Variants in CAMK2D observed in about 807,000 individuals in gnomAD.
CAMK2D encodes calcium/calmodulin dependent protein kinase II delta.
CAMK2D carries 37 observed loss-of-function variants against 84.0 expected under a neutral mutation model. The observed-to-expected ratio is 0.44, with a 90% CI of 0.34 to 0.58. The LOEUF is 0.58. Among genes scored for constraint, CAMK2D ranks in the 20% least tolerant of loss-of-function variants. The pLI is 0.02. For missense variants in CAMK2D, 448 were observed against 652.5 expected, an observed-to-expected ratio of 0.69 and a Z score of 3.41; for synonymous variants, 202 against 212.5, an observed-to-expected ratio of 0.95 and a Z score of 0.43.
intron 3 of CAMK2D, among the ~76,000 whole-genome samples, chr4:113,659,747 T>A (rs1304843987): frequency 6.6e-6 from 1 of 152,188 alleles, no homozygotes; most frequent in African/African-American, 2.4e-5. Flanking sequence ...AGCAAACCAA[T>A]ACAGCCAAAC....
At chr4:113,707,790 A>C (rs1334875943) in intron 2 of CAMK2D, among the ~76,000 whole-genome samples, 2 of 152,218 alleles carry the variant, frequency 1.3e-5, no homozygotes, top group African/African-American at 4.8e-5. Context: ...TTTTAACCTC[A>C]GAATGCTTCA....
chr4:113,667,388 T>G (rs1246714085), intron 2 of CAMK2D, among the ~76,000 whole-genome samples: 3 of 152,096 alleles, frequency 2.0e-5, no homozygotes, highest in South Asian at 2.1e-4. Context: ...AAAAATATAA[T>G]CATAAATAAG....
intron 2 of CAMK2D, among the ~76,000 whole-genome samples, chr4:113,687,212 AGGTG>A (rs2099362599): frequency 6.6e-6 from 1 of 152,228 alleles, no homozygotes; most frequent in African/African-American, 2.4e-5. Flanking sequence ...ATTTCCATTC[AGGTG>A]TTACTGAAAT....
At chr4:113,585,992 T>C (rs887776299) in intron 4 of CAMK2D, among the ~76,000 whole-genome samples, 2 of 152,226 alleles carry the variant, frequency 1.3e-5, no homozygotes, top group African/African-American at 4.8e-5. Flanking sequence ...GCTTGAATCC[T>C]GGCTGCCTCT....
chr4:113,553,424 C>T (rs866127393), intron 4 of CAMK2D, among the ~76,000 whole-genome samples: 18 of 152,252 alleles, frequency 1.2e-4, no homozygotes, highest in Admixed American at 4.6e-4. Context: ...TAAAAGGATG[C>T]TAAATTAGTT....
intron 3 of CAMK2D, among the ~76,000 whole-genome samples, chr4:113,616,188 AAC>A (rs2099020294): frequency 1.3e-5 from 2 of 152,146 alleles, no homozygotes; most frequent in South Asian, 4.1e-4. Flanking sequence ...AATGAAAATT[AAC>A]TTTTTAAAAT....
chr4:113,496,104 G>T (rs1413876801), intron 16 of CAMK2D, among the ~76,000 whole-genome samples: 1 of 152,208 alleles, frequency 6.6e-6, no homozygotes, highest in Non-Finnish European at 1.5e-5. Flanking sequence ...CCAAAGGACG[G>T]TCTTCACATG....
At chr4:113,727,311 T>G (rs969496398) in intron 2 of CAMK2D, among the ~76,000 whole-genome samples, 1 of 152,174 alleles carries the variant, frequency 6.6e-6, no homozygotes, top group African/African-American at 2.4e-5. Context: ...ACTTCCTGAT[T>G]AAGTGACAGT....
chr4:113,668,365 A>G (rs1458016575), intron 2 of CAMK2D, among the ~76,000 whole-genome samples: 1 of 152,160 alleles, frequency 6.6e-6, no homozygotes, highest in Non-Finnish European at 1.5e-5. Flanking sequence ...ACCACTAACT[A>G]CTAGCTAGGT....
chr4:113,547,546 A>T, intron 6 of CAMK2D, 98 bp downstream of exon 6: 1 of 647,676 alleles, frequency 1.5e-6, no homozygotes, highest in Non-Finnish European at 2.6e-6. Flanking sequence ...AGTCCACACA[A>T]CTTTATTGCT....
intron 2 of CAMK2D, among the ~76,000 whole-genome samples, chr4:113,694,615 T>C (rs912153083): frequency 6.6e-6 from 1 of 152,132 alleles, no homozygotes; most frequent in African/African-American, 2.4e-5. Flanking sequence ...ATTGGACAGA[T>C]AGGAGGGGCA....
chr4:113,499,831 G>A (rs2098006656), intron 16 of CAMK2D, among the ~76,000 whole-genome samples: 1 of 152,164 alleles, frequency 6.6e-6, no homozygotes. Flanking sequence ...GTGGCCAAAG[G>A]AGGTGACCTA....
At chr4:113,667,004 G>A (rs1255751511) in intron 2 of CAMK2D, among the ~76,000 whole-genome samples, 2 of 152,050 alleles carry the variant, frequency 1.3e-5, no homozygotes, top group African/African-American at 4.8e-5. Context: ...AACCCAACTC[G>A]ATTTTGAAAT....
rs192154117 is a variant in CAMK2D, at chr4:113,662,421, T to A, written c.161-649A>T. 1.4e-4 allele frequency among the ~76,000 whole-genome samples: 21 copies of A among 152,300 alleles called. No individual in the cohort carries two copies. In the East Asian group the frequency reaches 3.9e-3, roughly 28 times the overall value. ...GAATTATCTTAATATTCTTCTTTGA[T>A]TTTTTGGTGGAGGTACCTATAAACA... On this transcript the variant is annotated intron_variant, in intron 2 of 20. Coordinates refer to ENST00000511664, the MANE Select transcript of CAMK2D (RefSeq NM_001321571.2).
chr4:113,551,877 TATAGACCAG>T (rs1282290174), intron 5 of CAMK2D, among the ~76,000 whole-genome samples, 145 bp downstream of exon 5: 15 of 152,188 alleles, frequency 9.9e-5, no homozygotes, highest in Non-Finnish European at 1.8e-4. Context: ...TAGATAAAAA[TATAGACCAG>T]ATTCATGGAG....
At chr4:113,749,667 G>A (rs1394046742) in intron 2 of CAMK2D, among the ~76,000 whole-genome samples, 1 of 152,154 alleles carries the variant, frequency 6.6e-6, no homozygotes, top group Non-Finnish European at 1.5e-5. Context: ...AAGTGGTGCT[G>A]ATGGACACAC....
intron 8 of CAMK2D, among the ~76,000 whole-genome samples, chr4:113,523,079 C>G (rs2098382317): frequency 6.6e-6 from 1 of 152,162 alleles, no homozygotes; most frequent in African/African-American, 2.4e-5. Context: ...GTCTGTAACC[C>G]TGAAGAGGGC....
At chr4:113,469,161 CAAAAT>C (rs1261315603) in intron 16 of CAMK2D, among the ~76,000 whole-genome samples, 1 of 152,052 alleles carries the variant, frequency 6.6e-6, no homozygotes. Flanking sequence ...TGTTTGAAAA[CAAAAT>C]AAAACCCAAG....
At chr4:113,474,322 C>T (rs1378897605) in intron 16 of CAMK2D, among the ~76,000 whole-genome samples, 2 of 152,180 alleles carry the variant, frequency 1.3e-5, no homozygotes, top group African/African-American at 4.8e-5. Flanking sequence ...CAAGTTTACA[C>T]ATTTGCATGA....
Sources: gnomAD v4.1 joint callset for allele counts (sites outside exome capture counted in the v4.1 genomes callset) on GRCh38, gnomAD v4.1.1 for gene constraint, MANE v1.5 for transcripts, NCBI Gene and HGNC (gene_info 2026-07-23, HGNC 2026-07-21) for gene names.